The following PTER variants were observed in gnomAD, a reference collection of about 807,000 sequenced individuals.
The protein encoded by PTER is N-acetyltaurine hydrolase.
Under a neutral mutation model 29.6 loss-of-function variants are expected in PTER, and 38 were observed. That is an observed-to-expected ratio of 1.28 (90% CI 0.99 to 1.68). PTER has a LOEUF of 1.68. Ranked by LOEUF, PTER falls within the 40% of genes most tolerant of loss-of-function variation. The probability of loss-of-function intolerance (pLI) is 0.00; values close to 1 mark genes in which losing one functional copy is unlikely to be tolerated. For synonymous variants in PTER, 172 were observed against 154.5 expected (o/e 1.11, Z -0.84); for missense variants, 482 against 427.8 (o/e 1.13, Z -1.12).
At chr10:16,487,212 G>A (rs1835736963) in intron 3 of PTER, among the ~76,000 whole-genome samples, 1 of 152,130 alleles carries the variant, frequency 6.6e-6, no homozygotes, top group Admixed American at 6.5e-5. Context: ...CACAAACTGG[G>A]TGCCCCTAAA....
chr10:16,464,406 T>C (rs1834732590), intron 1 of PTER, among the ~76,000 whole-genome samples: 1 of 152,220 alleles, frequency 6.6e-6, no homozygotes. Context: ...CTATTTTGTT[T>C]TCAAACTATG....
intron 1 of PTER, among the ~76,000 whole-genome samples, chr10:16,463,982 G>A (rs992046812): frequency 6.6e-6 from 1 of 152,080 alleles, no homozygotes. Flanking sequence ...TACATCCGAC[G>A]GTCCGGTCTT....
intron 1 of PTER, among the ~76,000 whole-genome samples, chr10:16,451,709 C>A (rs1043542875): frequency 6.6e-6 from 1 of 152,196 alleles, no homozygotes; most frequent in East Asian, 1.9e-4. Context: ...GAGACTCCAT[C>A]TCAAAAGTAA....
intron 1 of PTER, among the ~76,000 whole-genome samples, chr10:16,464,732 C>T (rs935092086): frequency 3.9e-5 from 6 of 152,206 alleles, no homozygotes; most frequent in Admixed American, 6.5e-5. Flanking sequence ...CCTTCTCATT[C>T]CTCCAGTATC....
chr10:16,458,914 A>T (rs2133387613), intron 1 of PTER, among the ~76,000 whole-genome samples: 1 of 152,348 alleles, frequency 6.6e-6, no homozygotes, highest in South Asian at 2.1e-4. Flanking sequence ...CCTCAATACA[A>T]GAGACTAAAG....
At chr10:16,488,602 TGG>T (rs1491137453) in intron 3 of PTER, among the ~76,000 whole-genome samples, 312 of 133,504 alleles carry the variant, frequency 2.3e-3, no homozygotes, top group African/African-American at 8.5e-3. Flanking sequence ...TATATATATA[TGG>T]AGAGAGAGAG....
intron 1 of PTER, among the ~76,000 whole-genome samples, chr10:16,438,642 C>T (rs1426093974): frequency 6.7e-6 from 1 of 148,724 alleles, no homozygotes; most frequent in African/African-American, 2.5e-5. Flanking sequence ...GGTGAGTGGT[C>T]TCAGGCCAGG....
intron 1 of PTER, among the ~76,000 whole-genome samples, chr10:16,462,570 C>CTT (rs1293360557): frequency 0.043 from 5,434 of 126,898 alleles, 244 homozygotes; most frequent in African/African-American, 0.068. Context: ...ACATAATCTA[C>CTT]TTTTTTTTTT....
At chr10:16,445,303 T>C (rs749635796) in intron 1 of PTER, among the ~76,000 whole-genome samples, 5 of 152,088 alleles carry the variant, frequency 3.3e-5, no homozygotes, top group African/African-American at 4.8e-5. Context: ...TCACAGCTAC[T>C]CAGGAGGCTG....
chr10:16,471,936 C>G (rs1028764211), intron 1 of PTER, among the ~76,000 whole-genome samples: 4 of 152,208 alleles, frequency 2.6e-5, no homozygotes, highest in Non-Finnish European at 5.9e-5. Context: ...AATTACTTTT[C>G]AGACAAGTTG....
intron 3 of PTER, among the ~76,000 whole-genome samples, chr10:16,494,936 T>G (rs994760154): frequency 2.0e-5 from 3 of 150,970 alleles, no homozygotes; most frequent in African/African-American, 7.3e-5. Flanking sequence ...TATAGTAAAT[T>G]AGGTTACAAT....
At chr10:16,454,917 G>C (rs1318703000) in intron 1 of PTER, among the ~76,000 whole-genome samples, 1 of 152,076 alleles carries the variant, frequency 6.6e-6, no homozygotes, top group African/African-American at 2.4e-5. Flanking sequence ...AATGAAAACT[G>C]TACGAAATAA....
chr10:16,469,650 G>A (rs1834972829), intron 1 of PTER, among the ~76,000 whole-genome samples: 1 of 152,116 alleles, frequency 6.6e-6, no homozygotes, highest in African/African-American at 2.4e-5. Context: ...CATGAACTTG[G>A]CTCATAGCCT....
At chr10:16,508,309 C>A (rs1836670365) in intron 4 of PTER, among the ~76,000 whole-genome samples, 1 of 152,168 alleles carries the variant, frequency 6.6e-6, no homozygotes, top group East Asian at 1.9e-4. Flanking sequence ...ACCTCGTGAT[C>A]CGCCCGCCTC....
intron 1 of PTER, among the ~76,000 whole-genome samples, chr10:16,447,476 C>G (rs1834057714): frequency 6.6e-6 from 1 of 152,080 alleles, no homozygotes; most frequent in African/African-American, 2.4e-5. Context: ...CCTGTTTTCA[C>G]TTCTCTGTTT....
chr10:16,508,279 A>G (rs948826334), intron 4 of PTER, among the ~76,000 whole-genome samples: 4 of 151,984 alleles, frequency 2.6e-5, no homozygotes, highest in South Asian at 2.1e-4. Flanking sequence ...CGTGTTAGCC[A>G]GGATGGTCTT....
intron 1 of PTER, among the ~76,000 whole-genome samples, chr10:16,468,616 G>A (rs1028215884): frequency 3.3e-5 from 5 of 152,140 alleles, no homozygotes; most frequent in Non-Finnish European, 7.4e-5. Context: ...GCAGGGAACT[G>A]AGGACTGAGA....
At chr10:16,500,185 G>A (rs768927) in intron 3 of PTER, among the ~76,000 whole-genome samples, 3 of 151,812 alleles carry the variant, frequency 2.0e-5, no homozygotes, top group South Asian at 2.1e-4. Context: ...AAGTCACTCC[G>A]CTTTATATAA....
At chr10:16,454,433 A>G (rs1834320956) in intron 1 of PTER, among the ~76,000 whole-genome samples, 2 of 151,954 alleles carry the variant, frequency 1.3e-5, no homozygotes, top group South Asian at 4.2e-4. Flanking sequence ...AAAATTAGCC[A>G]GGCGTGGTGG....
Sources: allele counts gnomAD v4.1 joint callset (sites outside exome capture counted in the v4.1 genomes callset), GRCh38; gene constraint gnomAD v4.1.1; transcripts MANE v1.5; gene names NCBI Gene and HGNC (gene_info 2026-07-23, HGNC 2026-07-21).